TRPC7: variants seen among roughly 807,000 people sequenced by gnomAD.
TRPC7 encodes the protein short transient receptor potential channel 7.
A neutral mutation model predicts 90.1 loss-of-function variants in TRPC7; 42 were observed. The observed-to-expected ratio is 0.47, with a 90% CI of 0.36 to 0.60. The LOEUF (loss-of-function observed/expected upper bound fraction) is 0.60. TRPC7 is among the 20% of genes least tolerant of loss of function. The pLI, the probability that TRPC7 is intolerant of heterozygous loss-of-function variation, is 0.00. For synonymous variants in TRPC7, 451 were observed against 436.3 expected (o/e 1.03, Z -0.42); for missense variants, 955 against 1,112.3 (o/e 0.86, Z 2.01).
chr5:136,317,569 A>G (rs1277882443), intron 2 of TRPC7, among the ~76,000 whole-genome samples: 1 of 152,202 alleles, frequency 6.6e-6, no homozygotes, highest in Non-Finnish European at 1.5e-5. Flanking sequence ...TCACCTCACC[A>G]CATGGACCCA....
At chr5:136,274,584 G>C (rs1757301660) in intron 4 of TRPC7, 89 bp downstream of exon 4, 1 of 1,296,528 alleles carries the variant, frequency 7.7e-7, no homozygotes, top group African/African-American at 1.5e-5. Context: ...GAAAAAATCA[G>C]CTGCTAATTT....
At chr5:136,294,035 T>TAA (rs1758064787) in intron 3 of TRPC7, among the ~76,000 whole-genome samples, 3 of 152,156 alleles carry the variant, frequency 2.0e-5, no homozygotes, top group African/African-American at 7.2e-5. Flanking sequence ...AAACAAGCAA[T>TAA]GAGGAAAGGA....
intron 3 of TRPC7, among the ~76,000 whole-genome samples, chr5:136,309,330 G>C (rs2149836155): frequency 6.6e-6 from 1 of 152,290 alleles, no homozygotes; most frequent in Non-Finnish European, 1.5e-5. Context: ...TCAATCCCCA[G>C]TCTTGGCAGG....
chr5:136,238,748 C>T (rs1756070001), intron 7 of TRPC7, among the ~76,000 whole-genome samples: 1 of 152,162 alleles, frequency 6.6e-6, no homozygotes. Context: ...TTCCTCAAAA[C>T]TTGGTGGTTC....
rs773803906 is a variant in TRPC7, at chr5:136,251,788, G to A, written c.1440C>T (p.Ser480=). ...LWNLLDFGML[S]IFVASFTARF... ...GTGCTGTGAAGGAGGCCACGAAGAT[G>A]GACAGCATCCCGAAATCTAGCAGGT... Residue 480 remains serine, a synonymous_variant, in exon 6 of 12, where the codon TCC becomes TCT. Coordinates refer to ENST00000513104, the MANE Select transcript of TRPC7 (RefSeq NM_020389.3). 2.5e-6 allele frequency: 4 copies of A among 1,613,996 alleles called. No homozygotes were observed. The highest frequency in any genetic ancestry group is 3.4e-6 in the Non-Finnish European group (4 of 1,179,878).
chr5:136,296,203 G>A (rs1029701790), intron 3 of TRPC7, among the ~76,000 whole-genome samples: 1 of 152,158 alleles, frequency 6.6e-6, no homozygotes, highest in Non-Finnish European at 1.5e-5. Context: ...CCAGAGGAAT[G>A]CATTTTAAAA....
At chr5:136,286,120 C>G (rs182653079) in intron 3 of TRPC7, among the ~76,000 whole-genome samples, 3 of 152,140 alleles carry the variant, frequency 2.0e-5, no homozygotes, top group Non-Finnish European at 4.4e-5. Context: ...TTATCGAATG[C>G]GCGAATTTAT....
intron 2 of TRPC7, among the ~76,000 whole-genome samples, chr5:136,328,640 C>T (rs1299576554): frequency 6.6e-6 from 1 of 152,192 alleles, no homozygotes; most frequent in Non-Finnish European, 1.5e-5. Context: ...GCTGATAATG[C>T]CATCTACTTT....
intron 3 of TRPC7, among the ~76,000 whole-genome samples, chr5:136,299,719 G>C (rs145574324): frequency 6.6e-6 from 1 of 151,470 alleles, no homozygotes; most frequent in Non-Finnish European, 1.5e-5. Context: ...TGAACTACCA[G>C]AGTTAGTCAC....
intron 1 of TRPC7, among the ~76,000 whole-genome samples, 165 bp downstream of exon 1, chr5:136,365,088 T>C (rs1760680470): frequency 6.6e-6 from 1 of 152,106 alleles, no homozygotes; most frequent in Middle Eastern, 3.4e-3. Context: ...AAAAATTTCT[T>C]CTACCAACTC....
At chr5:136,288,017 G>A (rs558767579) in intron 3 of TRPC7, among the ~76,000 whole-genome samples, 1 of 152,122 alleles carries the variant, frequency 6.6e-6, no homozygotes, top group Admixed American at 6.5e-5. Flanking sequence ...ACATTTATTG[G>A]ATATGATGTG....
chr5:136,347,399 G>A (rs920125233), intron 2 of TRPC7, among the ~76,000 whole-genome samples: 2 of 152,076 alleles, frequency 1.3e-5, no homozygotes, highest in African/African-American at 2.4e-5. Flanking sequence ...GAAGGAGAAG[G>A]GGAGGTCTAC....
At chr5:136,342,024 A>G (rs953627258) in intron 2 of TRPC7, among the ~76,000 whole-genome samples, 3 of 151,980 alleles carry the variant, frequency 2.0e-5, no homozygotes, top group African/African-American at 7.3e-5. Context: ...AGCCCTTACC[A>G]ATTTTTTTTT....
At chr5:136,276,112 G>C (rs1199150655) in intron 3 of TRPC7, among the ~76,000 whole-genome samples, 1 of 152,118 alleles carries the variant, frequency 6.6e-6, no homozygotes, top group African/African-American at 2.4e-5. Context: ...TTGACTCAGG[G>C]TCAACTGGAA....
chr5:136,227,389 C>T (rs528784356), intron 8 of TRPC7, among the ~76,000 whole-genome samples: 58 of 152,216 alleles, frequency 3.8e-4, no homozygotes, highest in African/African-American at 1.2e-3. Context: ...GCCCTGAGGT[C>T]GGTAGTGCAT....
chr5:136,363,969 T>C (rs921293132), intron 1 of TRPC7, among the ~76,000 whole-genome samples: 1 of 152,186 alleles, frequency 6.6e-6, no homozygotes, highest in African/African-American at 2.4e-5. Flanking sequence ...TTTCTTGAAA[T>C]AAAATAGATA....
At chr5:136,365,024 G>A (rs1459799654) in intron 1 of TRPC7, among the ~76,000 whole-genome samples, 2 of 151,978 alleles carry the variant, frequency 1.3e-5, no homozygotes, top group African/African-American at 4.8e-5. Flanking sequence ...CTACCGACAT[G>A]AGTTGTCCGT....
At chr5:136,267,361 C>T (rs1024774960) in intron 4 of TRPC7, among the ~76,000 whole-genome samples, 1 of 152,164 alleles carries the variant, frequency 6.6e-6, no homozygotes. Context: ...CAAGCCCTAC[C>T]CCTCATCCAG....
intron 3 of TRPC7, among the ~76,000 whole-genome samples, chr5:136,293,488 C>T (rs1211945916): frequency 6.6e-6 from 1 of 152,148 alleles, no homozygotes; most frequent in Non-Finnish European, 1.5e-5. Flanking sequence ...CATTCTTATA[C>T]ACAAATAACG....
Sources: gnomAD v4.1 joint callset for allele counts (sites outside exome capture counted in the v4.1 genomes callset) on GRCh38, gnomAD v4.1.1 for gene constraint, MANE v1.5 for transcripts, NCBI Gene and HGNC (gene_info 2026-07-23, HGNC 2026-07-21) for gene names.